Variants in IL6R observed in about 807,000 individuals in gnomAD.
The protein encoded by IL6R is interleukin-6 receptor subunit alpha.
Under a neutral mutation model 48.3 loss-of-function variants are expected in IL6R, and 38 were observed. The ratio of observed to expected loss-of-function variants is 0.79; its 90% CI spans 0.61 to 1.03. The LOEUF is 1.03. IL6R is among the 50% of genes least tolerant of loss of function. The pLI is 0.00. For synonymous variants in IL6R, 264 were observed against 256.2 expected (o/e 1.03, Z -0.29); for missense variants, 534 against 618.3 (o/e 0.86, Z 1.45).
intron 1 of IL6R, among the ~76,000 whole-genome samples, chr1:154,414,118 A>T (rs1207659334): frequency 1.3e-5 from 2 of 152,074 alleles, no homozygotes; most frequent in African/African-American, 4.8e-5. Context: ...TGGCCTCCCA[A>T]AGTGCTGGGA....
intron 1 of IL6R, among the ~76,000 whole-genome samples, chr1:154,419,303 G>T (rs1688520559): frequency 6.6e-6 from 1 of 152,178 alleles, no homozygotes; most frequent in Non-Finnish European, 1.5e-5. Flanking sequence ...ATCAAAGCCA[G>T]GAGCCAGTCT....
chr1:154,430,724 T>C (rs1435477731), intron 3 of IL6R, 118 bp downstream of exon 3: 1 of 1,342,098 alleles, frequency 7.5e-7, no homozygotes, highest in Non-Finnish European at 1.0e-6. Flanking sequence ...TCCTTCAGGC[T>C]GAGGAAGAGG....
chr1:154,405,713 G>A lies in IL6R; in HGVS notation c.84G>A (p.Gln28=). ...AALAPRRCPA[Q]EVARGVLTSL... is the part of the protein sequence containing the mutation. ...TGGCCCCAAGGCGCTGCCCTGCGCAGGGTAAGGGCTTCGGGCGCACCTGGA... is the reference window on the plus strand; with the variant it reads ...TGGCCCCAAGGCGCTGCCCTGCGCAAGGTAAGGGCTTCGGGCGCACCTGGA... The change falls in exon 1 of 10, where the codon CAG becomes CAA. Residue 28 remains glutamine, a splice_region_variant and synonymous_variant. Coordinates refer to ENST00000368485, the MANE Select transcript of IL6R (RefSeq NM_000565.4). The surrounding 1 kb of genome is among the most constrained non-coding windows in gnomAD (Gnocchi z 5.2). The A allele has an allele frequency of 1.3e-6, 2 of 1,503,320 alleles. No individual in the cohort carries two copies. The highest frequency in any genetic ancestry group is 2.5e-5 in the South Asian group (2 of 80,072). The allele number at this position is 1,503,320 out of a possible 1,614,324, so 93.1% of individuals were successfully genotyped here. A position where few individuals can be genotyped will look rare whatever the true frequency, so the allele number is the denominator to read the frequency against.
chr1:154,423,260 A>AATATAT (rs35079361), intron 1 of IL6R, among the ~76,000 whole-genome samples: 1,742 of 85,428 alleles, frequency 0.02, 123 homozygotes, highest in African/African-American at 0.054. Flanking sequence ...TGTTTAATTA[A>AATATAT]ATATATATAT....
intron 6 of IL6R, among the ~76,000 whole-genome samples, chr1:154,447,441 AAAAAAAAAAAAAAATATATATATATATAT>A (rs1227053175): frequency 5.1e-4 from 31 of 60,742 alleles, no homozygotes; most frequent in African/African-American, 2.2e-3. Flanking sequence ...TCCATCTCAA[AAAAAAAAAAAAAAATATATATATATATAT>A]ATATATACAC....
At chr1:154,431,196 C>T (rs544890225) in intron 3 of IL6R, among the ~76,000 whole-genome samples, 5 of 152,260 alleles carry the variant, frequency 3.3e-5, no homozygotes, top group South Asian at 2.1e-4. Context: ...GCATCATCAC[C>T]GGAAGACGGC....
intron 9 of IL6R, among the ~76,000 whole-genome samples, chr1:154,463,099 C>T (rs1571018569): frequency 6.6e-6 from 1 of 152,234 alleles, no homozygotes; most frequent in African/African-American, 2.4e-5. Context: ...CCACCACACC[C>T]GGCCTTATTT....
chr1:154,455,392 G>A (rs955339463), intron 9 of IL6R, among the ~76,000 whole-genome samples: 8 of 151,920 alleles, frequency 5.3e-5, no homozygotes, highest in African/African-American at 1.9e-4. Flanking sequence ...GCCTTCTCTT[G>A]AGGCTAAGGA....
At chr1:154,432,549 G>C (rs967459079) in intron 3 of IL6R, among the ~76,000 whole-genome samples, 1 of 152,090 alleles carries the variant, frequency 6.6e-6, no homozygotes, top group African/African-American at 2.4e-5. Context: ...GTAGAGATGA[G>C]GTTTCACCAT....
intron 6 of IL6R, chr1:154,437,396 C>G: frequency 2.8e-6 from 1 of 359,608 alleles, no homozygotes; most frequent in Non-Finnish European, 5.8e-6. Context: ...TGTGCCCGGT[C>G]GGAAATTTTT....
chr1:154,422,618 G>A (rs141284912), intron 1 of IL6R, among the ~76,000 whole-genome samples: 44 of 152,298 alleles, frequency 2.9e-4, no homozygotes, highest in African/African-American at 1.0e-3. Flanking sequence ...TCTTGAAGAA[G>A]GGACAGGCAT....
intron 3 of IL6R, among the ~76,000 whole-genome samples, chr1:154,432,154 T>C (rs1208074187): frequency 6.6e-6 from 1 of 152,138 alleles, no homozygotes; most frequent in East Asian, 1.9e-4. Flanking sequence ...CGGATTACCA[T>C]CTGTGAATGA....
chr1:154,454,976 A>G (rs1003920842), intron 9 of IL6R, among the ~76,000 whole-genome samples: 1 of 152,032 alleles, frequency 6.6e-6, no homozygotes, highest in Non-Finnish European at 1.5e-5. Context: ...CTGTGGTGCA[A>G]TCTCGCCTCA....
chr1:154,432,926 C>T (rs1164105578), intron 3 of IL6R, among the ~76,000 whole-genome samples: 1 of 152,220 alleles, frequency 6.6e-6, no homozygotes, highest in Non-Finnish European at 1.5e-5. Context: ...TGCTTTTTCT[C>T]TTGTGTGTCT....
At chr1:154,453,491 C>T (rs1690704991) in intron 8 of IL6R, among the ~76,000 whole-genome samples, 1 of 152,216 alleles carries the variant, frequency 6.6e-6, no homozygotes, top group Non-Finnish European at 1.5e-5. Flanking sequence ...ACTGCATTCC[C>T]AGCAGAAGGA....
At chr1:154,418,159 C>T (rs969197159) in intron 1 of IL6R, among the ~76,000 whole-genome samples, 3 of 152,320 alleles carry the variant, frequency 2.0e-5, no homozygotes, top group East Asian at 3.9e-4. Flanking sequence ...CGTGAGCTGC[C>T]GCACATGGCC....
chr1:154,423,779 A>G (rs1558305744), intron 1 of IL6R, among the ~76,000 whole-genome samples: 1 of 152,190 alleles, frequency 6.6e-6, no homozygotes, highest in Admixed American at 6.5e-5. Flanking sequence ...TCAGAAAGCC[A>G]TTACTCAAGT....
intron 8 of IL6R, 94 bp from the exon 9 acceptor site, chr1:154,454,394 G>C: frequency 1.2e-6 from 1 of 813,328 alleles, no homozygotes; most frequent in Non-Finnish European, 2.0e-6. Flanking sequence ...TGAGGCTTTT[G>C]ACAGCACCAG....
At chr1:154,438,659 A>G (rs1438674115) in intron 6 of IL6R, among the ~76,000 whole-genome samples, 2 of 152,080 alleles carry the variant, frequency 1.3e-5, no homozygotes, top group African/African-American at 2.4e-5. Context: ...TGGGCTGCAC[A>G]TTCTTCCCCC....
Sources: allele counts gnomAD v4.1 joint callset (sites outside exome capture counted in the v4.1 genomes callset), GRCh38; gene constraint gnomAD v4.1.1; non-coding constraint Gnocchi (gnomAD v3.1); transcripts MANE v1.5; gene names NCBI Gene and HGNC (gene_info 2026-07-23, HGNC 2026-07-21).